ARHGEF3: variants seen among roughly 807,000 people sequenced by gnomAD.
ARHGEF3 encodes the protein Rho guanine nucleotide exchange factor 3, also known as 59.8 kDA protein.
A neutral mutation model predicts 63.2 loss-of-function variants in ARHGEF3; 28 were observed. The observed-to-expected ratio is 0.44, with a 90% confidence interval of 0.33 to 0.61. The LOEUF is 0.61. Among genes scored for constraint, ARHGEF3 ranks in the 20% least tolerant of loss-of-function variants. The pLI, the probability that ARHGEF3 is intolerant of heterozygous loss-of-function variation, is 0.03. For synonymous variants in ARHGEF3, 266 were observed against 254.2 expected (o/e 1.05, Z -0.44); for missense variants, 533 against 659.3 (o/e 0.81, Z 2.10).
chr3:56,752,516 G>A (rs1296822640), intron 4 of ARHGEF3, among the ~76,000 whole-genome samples: 2 of 152,216 alleles, frequency 1.3e-5, no homozygotes, highest in Non-Finnish European at 2.9e-5. Context: ...GGCAATAAAT[G>A]TTATGTAAGA....
At chr3:56,737,959 C>T (rs1399023944) in intron 7 of ARHGEF3, among the ~76,000 whole-genome samples, 1 of 152,100 alleles carries the variant, frequency 6.6e-6, no homozygotes, top group African/African-American at 2.4e-5. Flanking sequence ...ACCTCTGCCT[C>T]CCAGGTTCAA....
At chr3:56,979,440 A>T (rs1190950130) in intron 2 of ARHGEF3, among the ~76,000 whole-genome samples, 3 of 152,222 alleles carry the variant, frequency 2.0e-5, no homozygotes, top group Non-Finnish European at 4.4e-5. Flanking sequence ...AGCCAGGGGC[A>T]GAGGCATCTC....
intron 1 of ARHGEF3, among the ~76,000 whole-genome samples, chr3:57,037,141 G>A (rs1467738621): frequency 2.6e-5 from 4 of 152,140 alleles, no homozygotes; most frequent in Non-Finnish European, 5.9e-5. Context: ...GCTGAGACAT[G>A]TGCATTATGG....
intron 3 of ARHGEF3, among the ~76,000 whole-genome samples, chr3:56,925,343 T>G (rs2042248524): frequency 6.6e-6 from 1 of 152,260 alleles, no homozygotes; most frequent in African/African-American, 2.4e-5. Context: ...TTCTCTGAGC[T>G]ACCCTAGACA....
chr3:56,923,330 C>G (rs2042200186), intron 3 of ARHGEF3, among the ~76,000 whole-genome samples: 1 of 144,516 alleles, frequency 6.9e-6, no homozygotes, highest in African/African-American at 2.5e-5. Flanking sequence ...TTTTAAAAGA[C>G]AAAGGCACAG....
chr3:56,838,564 T>C (rs140183698), intron 4 of ARHGEF3, among the ~76,000 whole-genome samples: 3 of 152,330 alleles, frequency 2.0e-5, no homozygotes. Flanking sequence ...GAAGCCCCAG[T>C]ACATAGTTAT....
At chr3:56,928,348 G>A (rs1006334418) in intron 3 of ARHGEF3, among the ~76,000 whole-genome samples, 100 of 140,406 alleles carry the variant, frequency 7.1e-4, no homozygotes, top group African/African-American at 2.3e-3. Context: ...CTGGCCCATG[G>A]TCACAGAGCT....
At chr3:56,791,729 G>C (rs1381539325) in intron 1 of ARHGEF3, among the ~76,000 whole-genome samples, 1 of 151,886 alleles carries the variant, frequency 6.6e-6, no homozygotes, top group Non-Finnish European at 1.5e-5. Context: ...CCAACATTTG[G>C]GCCCTGCCTC....
intron 1 of ARHGEF3, among the ~76,000 whole-genome samples, chr3:57,055,541 A>G (rs929618665): frequency 6.6e-6 from 1 of 152,142 alleles, no homozygotes; most frequent in Non-Finnish European, 1.5e-5. Context: ...ATTATCTTCT[A>G]GAAACTCCAT....
chr3:56,861,993 G>A (rs2040090595), intron 4 of ARHGEF3, among the ~76,000 whole-genome samples: 1 of 151,818 alleles, frequency 6.6e-6, no homozygotes, highest in Admixed American at 6.6e-5. Context: ...CACAGCAACA[G>A]GATGCACTAA....
chr3:56,992,490 A>G (rs567180549), intron 2 of ARHGEF3, among the ~76,000 whole-genome samples: 8 of 150,660 alleles, frequency 5.3e-5, no homozygotes, highest in African/African-American at 1.9e-4. Flanking sequence ...ACTGACTGTC[A>G]ACTTGAGTCC....
chr3:56,979,743 T>C (rs1701255331), intron 2 of ARHGEF3, among the ~76,000 whole-genome samples: 1 of 152,240 alleles, frequency 6.6e-6, no homozygotes, highest in Admixed American at 6.5e-5. Context: ...TTCCTTTTCT[T>C]AGCCCTTTGT....
intron 3 of ARHGEF3, among the ~76,000 whole-genome samples, chr3:56,897,565 C>CT (rs111905728): frequency 0.024 from 3,527 of 144,206 alleles, 53 homozygotes; most frequent in Non-Finnish European, 0.025. Flanking sequence ...CTATATGTAT[C>CT]TTTTTTTTTT....
At chr3:56,848,948 C>T (rs1432673562) in intron 4 of ARHGEF3, among the ~76,000 whole-genome samples, 2 of 152,176 alleles carry the variant, frequency 1.3e-5, no homozygotes, top group South Asian at 2.1e-4. Context: ...AGATTATAGG[C>T]GTGAGCCACC....
intron 4 of ARHGEF3, among the ~76,000 whole-genome samples, chr3:56,878,064 A>G (rs1171233017): frequency 2.0e-5 from 3 of 152,158 alleles, no homozygotes; most frequent in Non-Finnish European, 2.9e-5. Flanking sequence ...TTTTATTTTT[A>G]CATTACTTTA....
chr3:56,783,962 T>G (rs1445929003), intron 1 of ARHGEF3, among the ~76,000 whole-genome samples: 2 of 152,220 alleles, frequency 1.3e-5, no homozygotes, highest in Non-Finnish European at 2.9e-5. Flanking sequence ...TTACTATTAC[T>G]TAACCTTGGG....
At chr3:56,873,527 C>T (rs1370652557) in intron 4 of ARHGEF3, among the ~76,000 whole-genome samples, 2 of 152,032 alleles carry the variant, frequency 1.3e-5, no homozygotes, top group Non-Finnish European at 2.9e-5. Context: ...AAGATAATGG[C>T]CCCATCCATG....
chr3:56,924,541 G>GT (rs2042229981), intron 3 of ARHGEF3, among the ~76,000 whole-genome samples: 1 of 152,210 alleles, frequency 6.6e-6, no homozygotes, highest in South Asian at 2.1e-4. Context: ...TCCATAGACG[G>GT]TTGCCCATTT....
In ARHGEF3 at chr3:56,729,479, C is replaced by G; in HGVS notation, c.1372G>C (p.Ala458Pro). Residue 458 changes from alanine (A) to proline (P), a missense_variant, in exon 10 of 10, where the codon GCT (alanine) becomes CCT (proline). Transcript: ENST00000296315. Reference sequence around the variant, plus strand: ...GATCCCTCGGAGTCAAGCACCCCAGCTTGCCCGGCAGCACACAAAACTGTT... The same window carrying G: ...GATCCCTCGGAGTCAAGCACCCCAGGTTGCCCGGCAGCACACAAAACTGTT... ...KETVLCAAGQ[A>P]GVLDSEGSFL... is the part of the protein sequence containing the mutation. The G allele has an allele frequency of 6.2e-7, 1 of 1,614,224 alleles. No individual in the cohort carries two copies. Among genetic ancestry groups the G allele is most frequent in the African/African-American group, 1.3e-5 (1 of 75,062 alleles).
Sources: gnomAD v4.1 joint callset for allele counts (sites outside exome capture counted in the v4.1 genomes callset) on GRCh38, gnomAD v4.1.1 for gene constraint, MANE v1.5 for transcripts, NCBI Gene and HGNC (gene_info 2026-07-23, HGNC 2026-07-21) for gene names.